The following SCOC variants were observed in gnomAD, a reference collection of about 807,000 sequenced individuals.
SCOC encodes short coiled coil protein.
Under a neutral mutation model 9.9 loss-of-function variants are expected in SCOC, and 7 were observed. That is an observed-to-expected ratio of 0.71 (90% CI 0.40 to 1.33). The LOEUF is 1.33. Ranked by LOEUF, SCOC falls within the 40% of genes most tolerant of loss-of-function variation. The pLI is 0.01. For synonymous variants in SCOC, 19 were observed against 28.2 expected (o/e 0.67, Z 1.03); for missense variants, 66 against 89.7 (o/e 0.74, Z 1.07).
intron 1 of SCOC, among the ~76,000 whole-genome samples, chr4:140,332,190 T>C (rs1732834261): frequency 6.6e-6 from 1 of 152,064 alleles, no homozygotes; most frequent in African/African-American, 2.4e-5. Context: ...ACATGAGATT[T>C]GGGTGGTGAC....
intron 1 of SCOC, among the ~76,000 whole-genome samples, chr4:140,270,176 G>C (rs1458938219): frequency 6.6e-6 from 1 of 152,118 alleles, no homozygotes; most frequent in Non-Finnish European, 1.5e-5. Context: ...CAAGGTATAA[G>C]GTTTAGTTTC....
At chr4:140,271,990 C>G (rs1292423898) in intron 1 of SCOC, among the ~76,000 whole-genome samples, 2 of 151,654 alleles carry the variant, frequency 1.3e-5, no homozygotes, top group East Asian at 3.9e-4. Context: ...AGCGCAAGGT[C>G]GACCCTCCTA....
chr4:140,275,289 C>G (rs1347562472), intron 1 of SCOC, among the ~76,000 whole-genome samples: 2 of 152,234 alleles, frequency 1.3e-5, no homozygotes, highest in African/African-American at 2.4e-5. Context: ...AGACCACCAC[C>G]TGCATGAAAC....
intron 1 of SCOC, among the ~76,000 whole-genome samples, chr4:140,262,797 C>G (rs1385904537): frequency 6.6e-6 from 1 of 151,172 alleles, no homozygotes; most frequent in South Asian, 2.1e-4. Context: ...GAAGCAAGAA[C>G]CTCTTACATG....
In SCOC at chr4:140,373,701, G is replaced by C. The variant is rs922397419; in HGVS notation, c.-67G>C. On this transcript the variant is annotated 5_prime_UTR_variant, in exon 1 of 4. Transcript: ENST00000608372. Reference sequence around the variant, plus strand: ...TGTCGGCCGGATCCCTCCTTCTCCCGGCGCCTCAAGCGGAAGGTGAGGGCC... The same window carrying C: ...TGTCGGCCGGATCCCTCCTTCTCCCCGCGCCTCAAGCGGAAGGTGAGGGCC... 3 of 1,548,732 alleles carry C rather than the reference G, an allele frequency of 1.9e-6. No homozygotes were observed. Among genetic ancestry groups the C allele is most frequent in the Admixed American group, 3.9e-5 (2 of 50,984 alleles).
chr4:140,373,772 C>T (rs1728183294), intron 1 of SCOC, 55 bp downstream of exon 1: 1 of 1,494,476 alleles, frequency 6.7e-7, no homozygotes, highest in Non-Finnish European at 9.0e-7. Context: ...AGAGCTGCAT[C>T]CTCAGTACCT....
At chr4:140,369,358 G>C, upstream of SCOC, 1 of 375,094 alleles carries the variant, frequency 2.7e-6, no homozygotes, top group South Asian at 1.9e-5. Flanking sequence ...AACCTTTCAA[G>C]TGAAAAAAAT....
upstream of SCOC, among the ~76,000 whole-genome samples, chr4:140,340,643 A>G (rs371517619): frequency 2.0e-5 from 3 of 152,228 alleles, no homozygotes; most frequent in African/African-American, 7.2e-5. Flanking sequence ...CTATACAACT[A>G]GTAGAAGAAA....
At chr4:140,337,727 C>G (rs1408887355) in intron 1 of SCOC, among the ~76,000 whole-genome samples, 1 of 152,120 alleles carries the variant, frequency 6.6e-6, no homozygotes, top group African/African-American at 2.4e-5. Flanking sequence ...CCTCAACACA[C>G]ACACCCTCCC....
upstream of SCOC, among the ~76,000 whole-genome samples, chr4:140,372,678 G>A (rs978876773): frequency 6.6e-6 from 1 of 152,184 alleles, no homozygotes; most frequent in African/African-American, 2.4e-5. Flanking sequence ...TGATTAAGGC[G>A]ATGTGTCAGC....
chr4:140,349,036 T>C (rs2126524121), intron 2 of SCOC, among the ~76,000 whole-genome samples: 1 of 152,348 alleles, frequency 6.6e-6, no homozygotes, highest in Middle Eastern at 3.4e-3. Flanking sequence ...TTAGGCTCAT[T>C]ACCCATTTTT....
chr4:140,265,178 GT>G (rs1730707562), intron 1 of SCOC, among the ~76,000 whole-genome samples: 2 of 152,108 alleles, frequency 1.3e-5, no homozygotes, highest in Non-Finnish European at 2.9e-5. Flanking sequence ...TAAAACAGTT[GT>G]TTTAAAAAGG....
chr4:140,297,505 G>A (rs1452415258), intron 1 of SCOC, among the ~76,000 whole-genome samples: 1 of 152,086 alleles, frequency 6.6e-6, no homozygotes, highest in Non-Finnish European at 1.5e-5. Flanking sequence ...ATGGTATTTG[G>A]TCCTTTGATT....
chr4:140,261,864 G>A (rs954274710), intron 1 of SCOC, among the ~76,000 whole-genome samples: 1 of 152,136 alleles, frequency 6.6e-6, no homozygotes, highest in Non-Finnish European at 1.5e-5. Flanking sequence ...GAGAATGTGT[G>A]ACCAGGGCTT....
At chr4:140,354,325 G>A (rs963927692) in intron 2 of SCOC, among the ~76,000 whole-genome samples, 1 of 151,912 alleles carries the variant, frequency 6.6e-6, no homozygotes, top group Non-Finnish European at 1.5e-5. Context: ...TGAGCCCTTT[G>A]CCATACTGTA....
intron 1 of SCOC, among the ~76,000 whole-genome samples, chr4:140,319,019 C>T (rs996648533): frequency 5.3e-5 from 8 of 152,136 alleles, no homozygotes; most frequent in African/African-American, 1.9e-4. Context: ...TCTAACAAGG[C>T]TCCCATTTTT....
intron 1 of SCOC, among the ~76,000 whole-genome samples, chr4:140,318,866 G>C (rs984782141): frequency 6.6e-6 from 1 of 152,184 alleles, no homozygotes; most frequent in African/African-American, 2.4e-5. Context: ...TGTCTGAGGG[G>C]TTTTGTCTGT....
At chr4:140,308,513 A>C (rs1732055377) in intron 1 of SCOC, among the ~76,000 whole-genome samples, 1 of 152,176 alleles carries the variant, frequency 6.6e-6, no homozygotes, top group Non-Finnish European at 1.5e-5. Flanking sequence ...TCATGGCCTC[A>C]GATCACCCTC....
chr4:140,306,697 C>T (rs956031039), intron 1 of SCOC, among the ~76,000 whole-genome samples: 71 of 152,242 alleles, frequency 4.7e-4, no homozygotes, highest in African/African-American at 1.7e-3. Context: ...CTTTCCCCTG[C>T]CCTCTAATTC....
Sources: allele counts gnomAD v4.1 joint callset (sites outside exome capture counted in the v4.1 genomes callset), GRCh38; gene constraint gnomAD v4.1.1; transcripts MANE v1.5; gene names NCBI Gene and HGNC (gene_info 2026-07-23, HGNC 2026-07-21).